The following NPY2R variants were observed in gnomAD, a reference collection of about 807,000 sequenced individuals.
The protein encoded by NPY2R is neuropeptide Y receptor type 2.
In NPY2R, 17 loss-of-function variants were observed where a neutral mutation model predicts 22.3. The observed-to-expected ratio is 0.76, with a 90% CI of 0.52 to 1.14. NPY2R has a LOEUF of 1.14. NPY2R is among the 50% of genes most tolerant of loss of function. The probability of loss-of-function intolerance (pLI) is 0.00; values close to 1 mark genes in which losing one functional copy is unlikely to be tolerated. For synonymous variants in NPY2R, 209 were observed against 183.4 expected (o/e 1.14, Z -1.13); for missense variants, 424 against 467.9 (o/e 0.91, Z 0.87).
the NPY2R span, among the ~76,000 whole-genome samples, chr4:155,184,645 G>A: frequency 6.6e-6 from 1 of 152,094 alleles, no homozygotes; most frequent in Non-Finnish European, 1.5e-5. Flanking sequence ...GGCTTTTCAG[G>A]CAGTGGTTTC....
the NPY2R span, among the ~76,000 whole-genome samples, chr4:155,179,212 T>C: frequency 6.6e-6 from 1 of 152,166 alleles, no homozygotes; most frequent in South Asian, 2.1e-4. Context: ...TCTTGTGTGC[T>C]AATTCTATCA....
the NPY2R span, among the ~76,000 whole-genome samples, chr4:155,193,047 A>T: frequency 6.6e-6 from 1 of 151,916 alleles, no homozygotes; most frequent in African/African-American, 2.4e-5. Flanking sequence ...ATGAGAAGGG[A>T]TTGTAGGATC....
upstream of NPY2R, chr4:155,208,289 C>A (rs960250318): frequency 2.0e-5 from 3 of 152,324 alleles, no homozygotes; most frequent in Non-Finnish European, 4.4e-5. This position sits in a 1 kb window ranked among gnomAD's most constrained non-coding sequence, Gnocchi z 5.6. Context: ...CTGAGGTCTC[C>A]TTCGCTCGCC....
chr4:155,191,814 T>C, the NPY2R span, among the ~76,000 whole-genome samples: 1 of 151,894 alleles, frequency 6.6e-6, no homozygotes, highest in Non-Finnish European at 1.5e-5. Context: ...TTAACTAGAC[T>C]TTAAGCCCTT....
chr4:155,199,940 CAT>C, the NPY2R span, among the ~76,000 whole-genome samples: 1 of 152,128 alleles, frequency 6.6e-6, no homozygotes, highest in African/African-American at 2.4e-5. Context: ...CCGTTAATGA[CAT>C]AGGCATGGGC....
the NPY2R span, among the ~76,000 whole-genome samples, chr4:155,198,205 G>C: frequency 6.6e-6 from 1 of 151,912 alleles, no homozygotes; most frequent in Non-Finnish European, 1.5e-5. Flanking sequence ...GAGCACTCAT[G>C]TGAATTTGCT....
At chr4:155,206,980 A>G (rs1729295542), upstream of NPY2R, 6 of 152,004 alleles carry the variant, frequency 3.9e-5, no homozygotes, top group Admixed American at 3.3e-4. Flanking sequence ...AAAAACAAAC[A>G]AAACAAAACA....
chr4:155,212,888 C>T (rs1385549648), intron 1 of NPY2R, among the ~76,000 whole-genome samples: 1 of 152,114 alleles, frequency 6.6e-6, no homozygotes, highest in Non-Finnish European at 1.5e-5. Context: ...CCCAAGTTTC[C>T]TTAGAGCATT....
chr4:155,191,261 G>A, the NPY2R span, among the ~76,000 whole-genome samples: 2 of 151,808 alleles, frequency 1.3e-5, no homozygotes, highest in Non-Finnish European at 2.9e-5. Flanking sequence ...TGGTTAATGC[G>A]AACCTAGCTC....
At chr4:155,180,108 T>A in the NPY2R span, among the ~76,000 whole-genome samples, 1 of 151,942 alleles carries the variant, frequency 6.6e-6, no homozygotes, top group African/African-American at 2.4e-5. Flanking sequence ...TTTCTTAAGA[T>A]GGGGTCTTGC....
At chr4:155,192,600 A>G in the NPY2R span, among the ~76,000 whole-genome samples, 2 of 152,018 alleles carry the variant, frequency 1.3e-5, no homozygotes, top group Non-Finnish European at 2.9e-5. Flanking sequence ...TCTCACACAC[A>G]GTTTTAAAAT....
chr4:155,201,791 A>G, the NPY2R span, among the ~76,000 whole-genome samples: 2 of 152,244 alleles, frequency 1.3e-5, no homozygotes, highest in East Asian at 3.9e-4. Flanking sequence ...TTTTCCCAGC[A>G]GAGATGCAAA....
Position 155,215,033 on chromosome 4 carries a change from T to C in NPY2R, c.1094T>C (p.Val365Ala). The change falls in exon 2 of 2, where the codon GTC (valine) becomes GCC (alanine). Residue 365 changes from valine (V) to alanine (A), a missense_variant. Transcript: ENST00000329476. ...TTCAAGGCTAAAAAGAACCTGGAGG[T>C]CAGAAAGAACAGTGGCCCCAATGAC... is the stretch of plus-strand genomic sequence containing the variant. The part of the protein sequence containing the change: ...VTFKAKKNLE[V>A]RKNSGPNDSF... 1 of 1,613,830 alleles carries C rather than the reference T, an allele frequency of 6.2e-7. No homozygotes were observed. The highest frequency in any genetic ancestry group is 8.5e-7 in the Non-Finnish European group (1 of 1,180,002).
the NPY2R span, among the ~76,000 whole-genome samples, chr4:155,196,805 C>G: frequency 1.3e-5 from 2 of 151,804 alleles, no homozygotes; most frequent in African/African-American, 4.8e-5. Context: ...CATCTGTATA[C>G]TTATAAAGCA....
At chr4:155,175,408 C>T in the NPY2R span, among the ~76,000 whole-genome samples, 1 of 152,104 alleles carries the variant, frequency 6.6e-6, no homozygotes, top group Admixed American at 6.6e-5. Flanking sequence ...AAAGAAAGTT[C>T]TATCTGTACT....
the NPY2R span, among the ~76,000 whole-genome samples, chr4:155,184,329 C>T: frequency 0.47 from 71,099 of 151,970 alleles, 17,350 homozygotes; most frequent in East Asian, 0.69. Flanking sequence ...CAAAGTTAAT[C>T]TTTGTACCTA....
chr4:155,212,513 C>T (rs144374363), intron 1 of NPY2R, among the ~76,000 whole-genome samples: 3 of 152,218 alleles, frequency 2.0e-5, no homozygotes, highest in South Asian at 2.1e-4. Flanking sequence ...TAGTTCAAGA[C>T]ATAGGTTTTT....
the NPY2R span, among the ~76,000 whole-genome samples, chr4:155,183,035 C>G: frequency 6.6e-6 from 1 of 152,104 alleles, no homozygotes; most frequent in Non-Finnish European, 1.5e-5. Flanking sequence ...TCAGGTGATC[C>G]ACCTGCCTTG....
At chr4:155,185,478 C>A in the NPY2R span, among the ~76,000 whole-genome samples, 1 of 152,118 alleles carries the variant, frequency 6.6e-6, no homozygotes, top group Non-Finnish European at 1.5e-5. Flanking sequence ...CAACATTTTA[C>A]CTGTACAAAA....
Sources: allele counts gnomAD v4.1 joint callset (sites outside exome capture counted in the v4.1 genomes callset), GRCh38; gene constraint gnomAD v4.1.1; non-coding constraint Gnocchi (gnomAD v3.1); transcripts MANE v1.5; gene names NCBI Gene and HGNC (gene_info 2026-07-23, HGNC 2026-07-21).